The following NARF variants were observed in gnomAD, a reference collection of about 807,000 sequenced individuals.
NARF encodes the protein iron-only hydrogenase-like protein 2.
In NARF, 41 loss-of-function variants were observed where a neutral mutation model predicts 48.0. The observed-to-expected ratio is 0.85, with a 90% CI of 0.66 to 1.11. NARF has a LOEUF of 1.11. Among genes scored for constraint, NARF ranks in the 50% least tolerant of loss-of-function variants. The probability of loss-of-function intolerance (pLI) is 0.00; values close to 1 mark genes in which losing one functional copy is unlikely to be tolerated. For synonymous variants in NARF, 215 were observed against 225.5 expected (o/e 0.95, Z 0.42); for missense variants, 613 against 590.2 (o/e 1.04, Z -0.40).
At chr17:82,474,387 G>A (rs1296566976) in intron 5 of NARF, among the ~76,000 whole-genome samples, 1 of 152,182 alleles carries the variant, frequency 6.6e-6, no homozygotes, top group East Asian at 1.9e-4. Flanking sequence ...AGTTATAGAA[G>A]AGATTTGTCA....
rs2044148005 is a variant in NARF, at chr17:82,488,503, G to A, written c.*346G>A. ...CGATTCTCTTGCCCCAGCCTCCCGA[G>A]TAGCTGGGACTAACGCGCACACCAC... On this transcript the variant is annotated 3_prime_UTR_variant, in exon 11 of 11. Transcript: ENST00000309794. The A allele has an allele frequency of 4.2e-6, 1 of 238,072 alleles. No individual in the cohort carries two copies. The highest frequency in any genetic ancestry group is 5.1e-5 in the Admixed American group (1 of 19,442). 14.7% of individuals were successfully genotyped at this position (238,072 alleles called of 1,614,324 possible).
rs1267799145 is a variant in NARF at position 82,484,713 on chromosome 17, G to A, written c.834-100G>A. On this transcript the variant is annotated intron_variant, in intron 8 of 10. Coordinates refer to ENST00000309794, the MANE Select transcript of NARF (RefSeq NM_012336.4). ...TGTACAGGATTTAGCTTCTTTGGTG[G>A]CGAACTTGGATTGTGATGCCCTCAG... 2.1e-6 allele frequency: 3 copies of A among 1,417,794 alleles called. No homozygotes were observed. The African/African-American group carries it at 4.4e-5, about 21-fold the overall frequency. 87.8% of individuals were successfully genotyped at this position (1,417,794 alleles called of 1,614,324 possible).
chr17:82,487,697 G>A (rs1042183342), intron 10 of NARF, among the ~76,000 whole-genome samples: 2 of 152,152 alleles, frequency 1.3e-5, no homozygotes, highest in East Asian at 3.9e-4. Context: ...GGTGGCTCAC[G>A]CCAGTGGTCC....
In NARF at chr17:82,469,956, G is replaced by A. The variant is rs548995870; in HGVS notation, c.385+1060G>A. ...TTTAAAAATTATAAATATTGGTCAG[G>A]TTTGGTGGCTCATGCCTGTAATCCC... On this transcript the variant is annotated intron_variant, in intron 4 of 10. Transcript: ENST00000309794. Among the ~76,000 whole-genome samples, 4 of 151,308 alleles carry A rather than the reference G, an allele frequency of 2.6e-5. No homozygotes were observed. In the South Asian group the frequency reaches 6.4e-4, roughly 24 times the overall value.
chr17:82,484,684 C>T, intron 8 of NARF, 129 bp from the exon 9 acceptor site: 1 of 1,174,600 alleles, frequency 8.5e-7, no homozygotes, highest in Non-Finnish European at 1.2e-6. Flanking sequence ...AAAGTTTAAA[C>T]ATCTGTACAG....
intron 3 of NARF, among the ~76,000 whole-genome samples, chr17:82,466,289 C>T (rs1320783048): frequency 1.3e-5 from 2 of 152,072 alleles, no homozygotes; most frequent in African/African-American, 4.8e-5. Flanking sequence ...AGTTTTTTCC[C>T]CCCTGATACA....
chr17:82,458,975 G>A, intron 1 of NARF, 145 bp downstream of exon 1: 1 of 1,216,618 alleles, frequency 8.2e-7, no homozygotes, highest in Non-Finnish European at 1.0e-6. Flanking sequence ...GGCCCGCTCG[G>A]CGTGGAGGCG....
intron 6 of NARF, 149 bp from the exon 7 acceptor site, chr17:82,480,933 A>C: frequency 1.4e-6 from 1 of 723,356 alleles, no homozygotes; most frequent in Non-Finnish European, 2.0e-6. Flanking sequence ...TCCATTTCAA[A>C]AAAAAAAAAA....
chr17:82,470,314 A>C (rs563714641), intron 4 of NARF, among the ~76,000 whole-genome samples: 1 of 152,186 alleles, frequency 6.6e-6, no homozygotes, highest in South Asian at 2.1e-4. Context: ...TGTCATCATA[A>C]AGCCTCGGGT....
chr17:82,471,653 G>T (rs1214741947), intron 4 of NARF, among the ~76,000 whole-genome samples: 1 of 148,230 alleles, frequency 6.7e-6, no homozygotes, highest in African/African-American at 2.5e-5. Flanking sequence ...TTAGCCGGGC[G>T]TGGTGGTGGG....
chr17:82,458,533 GC>G (rs2043341357), upstream of NARF: 2 of 405,668 alleles, frequency 4.9e-6, no homozygotes, highest in Non-Finnish European at 8.6e-6. Context: ...CCTGCGGTCC[GC>G]CCCGCGCGCT....
chr17:82,480,750 G>A (rs188257182), intron 6 of NARF: 6 of 477,952 alleles, frequency 1.3e-5, no homozygotes, highest in Admixed American at 7.4e-5. Flanking sequence ...TGGGCAACAC[G>A]GTGAAACCCC....
intron 8 of NARF, 89 bp from the exon 9 acceptor site, chr17:82,484,724 T>C: frequency 6.9e-7 from 1 of 1,455,204 alleles, no homozygotes; most frequent in South Asian, 1.4e-5. Context: ...CGAACTTGGA[T>C]TGTGATGCCC....
intron 10 of NARF, among the ~76,000 whole-genome samples, chr17:82,487,485 A>G (rs950527105): frequency 2.2e-5 from 3 of 137,842 alleles, no homozygotes; most frequent in Non-Finnish European, 3.2e-5. Context: ...CTCTGTCTCG[A>G]AAAAAAAAAA....
At chr17:82,484,643 C>T in intron 8 of NARF, 170 bp from the exon 9 acceptor site, 1 of 736,442 alleles carries the variant, frequency 1.4e-6, no homozygotes, top group South Asian at 2.6e-5. Context: ...CCTCCCAAGA[C>T]CCCTCAAGAT....
chr17:82,480,859 G>A, intron 6 of NARF: 1 of 572,632 alleles, frequency 1.7e-6, no homozygotes, highest in Admixed American at 3.1e-5. Flanking sequence ...TTGAACCCGG[G>A]AGGCAGAGTT....
At chr17:82,480,566 G>A (rs910815438) in intron 6 of NARF, 2 of 406,046 alleles carry the variant, frequency 4.9e-6, no homozygotes, top group African/African-American at 4.1e-5. Flanking sequence ...GAGGGGATGG[G>A]AGCCAGATGT....
At chr17:82,484,016 A>C (rs898192716) in intron 8 of NARF, 1 of 510,326 alleles carries the variant, frequency 2.0e-6, no homozygotes, top group African/African-American at 1.9e-5. Flanking sequence ...TGTGATTGCC[A>C]CCCTAAACCC....
At chr17:82,459,865 TAA>T in intron 1 of NARF, 125 bp from the exon 2 acceptor site, 1 of 752,206 alleles carries the variant, frequency 1.3e-6, no homozygotes. Context: ...AGACTCCGTC[TAA>T]AAAAATAAAT....
Sources: gnomAD v4.1 joint callset for allele counts (sites outside exome capture counted in the v4.1 genomes callset) on GRCh38, gnomAD v4.1.1 for gene constraint, MANE v1.5 for transcripts, NCBI Gene and HGNC (gene_info 2026-07-23, HGNC 2026-07-21) for gene names.